DOCK3: variants seen among roughly 807,000 people sequenced by gnomAD.
DOCK3 encodes the protein dedicator of cytokinesis protein 3.
A neutral mutation model predicts 265.6 loss-of-function variants in DOCK3; 60 were observed. The ratio of observed to expected loss-of-function variants is 0.23; its 90% confidence interval spans 0.18 to 0.28. The LOEUF (loss-of-function observed/expected upper bound fraction) is 0.28, where lower values mean the gene tolerates loss of function less well. Among genes scored for constraint, DOCK3 ranks in the 10% least tolerant of loss-of-function variants. The probability of loss-of-function intolerance (pLI) is 1.00; values close to 1 mark genes in which losing one functional copy is unlikely to be tolerated. For missense variants in DOCK3, 1,981 were observed against 2,594.3 expected (o/e 0.76, Z 5.14); for synonymous variants, 881 against 938.0 (o/e 0.94, Z 1.11).
chr3:50,982,820 G>C (rs754938721), intron 5 of DOCK3, among the ~76,000 whole-genome samples: 3 of 152,172 alleles, frequency 2.0e-5, no homozygotes, highest in Non-Finnish European at 4.4e-5. Flanking sequence ...GGGACCTGGA[G>C]CTCCTGCCCC....
chr3:51,160,819 G>T (rs2086089667), intron 12 of DOCK3, 117 bp downstream of exon 12: 1 of 1,295,000 alleles, frequency 7.7e-7, no homozygotes, highest in African/African-American at 1.5e-5. Flanking sequence ...GCTCACGCCT[G>T]TATTCCCAAC....
intron 2 of DOCK3, among the ~76,000 whole-genome samples, chr3:50,804,612 G>A (rs1329268314): frequency 5.9e-5 from 9 of 152,198 alleles, no homozygotes; most frequent in East Asian, 3.9e-4. Flanking sequence ...GGCGGCTGGC[G>A]CCTGCAATCC....
chr3:51,107,899 G>A (rs1267276770), intron 9 of DOCK3, among the ~76,000 whole-genome samples: 1 of 152,182 alleles, frequency 6.6e-6, no homozygotes, highest in East Asian at 1.9e-4. Context: ...TATTCTTCAA[G>A]GTTGAAATGA....
chr3:51,169,112 G>A (rs1393918870), intron 12 of DOCK3, among the ~76,000 whole-genome samples: 2 of 152,180 alleles, frequency 1.3e-5, no homozygotes, highest in African/African-American at 4.8e-5. Context: ...TTGCAGAGAA[G>A]AGGGAACACT....
intron 3 of DOCK3, among the ~76,000 whole-genome samples, chr3:50,856,002 C>A (rs1375107274): frequency 6.6e-6 from 1 of 152,182 alleles, no homozygotes; most frequent in Non-Finnish European, 1.5e-5. Flanking sequence ...CATGCCCCTG[C>A]AAAGGACGTG....
intron 9 of DOCK3, among the ~76,000 whole-genome samples, chr3:51,117,931 G>T (rs1448032249): frequency 6.6e-6 from 1 of 152,012 alleles, no homozygotes; most frequent in Non-Finnish European, 1.5e-5. Context: ...TTGATTTTTT[G>T]AAGAGAATTT....
At chr3:50,910,552 G>A (rs1252560775) in intron 4 of DOCK3, among the ~76,000 whole-genome samples, 1 of 152,130 alleles carries the variant, frequency 6.6e-6, no homozygotes, top group Admixed American at 6.5e-5. Flanking sequence ...TAGTGAACTG[G>A]TGGTGGGGCT....
At chr3:51,035,843 C>T (rs2080242918) in intron 5 of DOCK3, among the ~76,000 whole-genome samples, 3 of 152,152 alleles carry the variant, frequency 2.0e-5, no homozygotes, top group Admixed American at 6.5e-5. Context: ...TTGCTCTGTG[C>T]ATGCATAACT....
chr3:50,877,398 A>G, intron 3 of DOCK3: 1 of 519,214 alleles, frequency 1.9e-6, no homozygotes, highest in South Asian at 1.4e-5. Context: ...GGTCAAGATT[A>G]TAGCTGCTTC....
intron 3 of DOCK3, among the ~76,000 whole-genome samples, chr3:50,850,866 A>T (rs1257680129): frequency 6.6e-6 from 1 of 152,174 alleles, no homozygotes; most frequent in Non-Finnish European, 1.5e-5. Context: ...CCTGTGACCA[A>T]TGGGTCTGAC....
chr3:51,244,620 T>C (rs1350755193), intron 21 of DOCK3, among the ~76,000 whole-genome samples: 1 of 152,232 alleles, frequency 6.6e-6, no homozygotes, highest in Non-Finnish European at 1.5e-5. Flanking sequence ...GATTATATCA[T>C]TTGAAAACAG....
rs187996229 is a variant in DOCK3 at position 50,823,784 on chromosome 3, C to T, written c.122-17891C>T. Among the ~76,000 whole-genome samples, 203 of 152,228 alleles carry T rather than the reference C, an allele frequency of 1.3e-3. 1 individual carries two copies. Among genetic ancestry groups the T allele is most frequent in the Admixed American group, 9.4e-3 (143 of 15,290 alleles). ...TCACCTCCCAGACGGGGCGGCTGGC[C>T]GGGCCGGGGGGCTGACTCCCCCACC... is the stretch of plus-strand genomic sequence containing the variant. On this transcript the variant is annotated intron_variant, in intron 2 of 52. Transcript: ENST00000266037.
chr3:50,788,251 A>G, intron 2 of DOCK3: 1 of 679,686 alleles, frequency 1.5e-6, no homozygotes, highest in East Asian at 4.2e-5. Context: ...ACAGTTTTCA[A>G]CCAGCTCCTG....
intron 5 of DOCK3, among the ~76,000 whole-genome samples, chr3:51,008,026 C>G (rs1007766904): frequency 6.6e-6 from 1 of 152,070 alleles, no homozygotes; most frequent in Non-Finnish European, 1.5e-5. Context: ...TTACTGTAGC[C>G]TTGTAGTATA....
intron 40 of DOCK3, among the ~76,000 whole-genome samples, chr3:51,351,651 C>CTTTT (rs150338641): frequency 1.0e-5 from 1 of 95,740 alleles, no homozygotes. Flanking sequence ...AGTAGAGAGA[C>CTTTT]TTTTTTTTTT....
At chr3:50,906,049 A>C (rs1210867443) in intron 4 of DOCK3, among the ~76,000 whole-genome samples, 1 of 152,020 alleles carries the variant, frequency 6.6e-6, no homozygotes, top group Non-Finnish European at 1.5e-5. Context: ...GGTTCTGTTT[A>C]TATGCTGGAT....
chr3:51,356,233 A>T lies in DOCK3; in HGVS notation c.4394A>T (p.Lys1465Met). 6.2e-7 allele frequency: 1 copy of T among 1,612,330 alleles called. No homozygotes were observed. The highest frequency in any genetic ancestry group is 8.5e-7 in the Non-Finnish European group (1 of 1,179,682). ...GACAGGCCTTTTCACAAAGGCCCCA[A>T]GGACAAGGAGAATGAATTCAAGGTG... ...RYDRPFHKGP[K>M]DKENEFKSLW... Residue 1465 changes from lysine (K) to methionine (M), a missense_variant, in exon 42 of 53, where the codon AAG becomes ATG. Physicochemically the swap from Lys to Met is moderately conservative, Grantham distance 95. Around this residue, in one of 4 missense-constraint regions of DOCK3, gnomAD observed 1,357 missense variants for 1,866.8 expected, o/e 0.73. Coordinates refer to ENST00000266037, the MANE Select transcript of DOCK3 (RefSeq NM_004947.5).
At chr3:50,861,759 T>C (rs1272777181) in intron 3 of DOCK3, among the ~76,000 whole-genome samples, 4 of 147,512 alleles carry the variant, frequency 2.7e-5, no homozygotes, top group South Asian at 4.2e-4. Flanking sequence ...TGCTCTCTCT[T>C]TTTTTTTTTT....
At chr3:51,106,188 T>C (rs1365099165) in intron 9 of DOCK3, among the ~76,000 whole-genome samples, 1 of 152,182 alleles carries the variant, frequency 6.6e-6, no homozygotes, top group Non-Finnish European at 1.5e-5. Context: ...GCCCATGAGA[T>C]AGAGCCGGGT....
Sources: gnomAD v4.1 joint callset for allele counts (sites outside exome capture counted in the v4.1 genomes callset) on GRCh38, gnomAD v4.1.1 for gene constraint, gnomAD v4.1.1 regional missense constraint, MANE v1.5 for transcripts, NCBI Gene and HGNC (gene_info 2026-07-23, HGNC 2026-07-21) for gene names.